The following THSD7A variants were observed in gnomAD, a reference collection of about 807,000 sequenced individuals.
THSD7A encodes the protein thrombospondin type-1 domain-containing protein 7A.
Under a neutral mutation model 231.3 loss-of-function variants are expected in THSD7A, and 96 were observed. That is an observed-to-expected ratio of 0.41 (90% CI 0.35 to 0.49). The LOEUF (loss-of-function observed/expected upper bound fraction) is 0.49, where lower values mean the gene tolerates loss of function less well. Among genes scored for constraint, THSD7A ranks in the 20% least tolerant of loss-of-function variants. The pLI is 0.05. For missense variants in THSD7A, 2,290 were observed against 2,070.2 expected (o/e 1.11, Z -2.06); for synonymous variants, 940 against 743.3 (o/e 1.26, Z -4.30).
rs1402419832 is a variant in THSD7A, at chr7:11,732,556, TTA to T, written c.191-95597_191-95596del. ...AATTGTATTTTACACTGTGCCGGTA[TTA>T]TATAGTTTATGTATAAAACACAAAA... On this transcript the variant is annotated intron_variant, in intron 1 of 27. Coordinates refer to ENST00000423059, the MANE Select transcript of THSD7A (RefSeq NM_015204.3). Among the ~76,000 whole-genome samples, 3 of 151,992 alleles carry T rather than the reference TTA, an allele frequency of 2.0e-5. No homozygotes were observed. In the East Asian group the frequency reaches 5.8e-4, roughly 30 times the overall value.
At chr7:11,438,401 T>C (rs1222592657) in intron 13 of THSD7A, among the ~76,000 whole-genome samples, 1 of 152,018 alleles carries the variant, frequency 6.6e-6, no homozygotes, top group Non-Finnish European at 1.5e-5. Context: ...CAAACTGGTA[T>C]GAAAGCAAAT....
At chr7:11,519,246 C>A (rs1322026729) in intron 6 of THSD7A, among the ~76,000 whole-genome samples, 1 of 152,152 alleles carries the variant, frequency 6.6e-6, no homozygotes, top group Non-Finnish European at 1.5e-5. Context: ...CTGCCAGCAG[C>A]CCTGAACTGC....
intron 13 of THSD7A, among the ~76,000 whole-genome samples, chr7:11,441,431 T>G (rs895007688): frequency 6.6e-6 from 1 of 152,012 alleles, no homozygotes; most frequent in Non-Finnish European, 1.5e-5. Context: ...CCTCTAAGAT[T>G]GTTTAAAATA....
At chr7:11,811,150 T>C (rs917661367) in intron 1 of THSD7A, among the ~76,000 whole-genome samples, 3 of 152,204 alleles carry the variant, frequency 2.0e-5, no homozygotes, top group Non-Finnish European at 4.4e-5. Context: ...TTGTGTGTAA[T>C]GTCTCTTTTG....
intron 6 of THSD7A, among the ~76,000 whole-genome samples, chr7:11,487,945 C>G (rs2128306582): frequency 6.6e-6 from 1 of 152,046 alleles, no homozygotes; most frequent in Non-Finnish European, 1.5e-5. Context: ...TTTTTTAAAT[C>G]ATAGAAATGT....
At chr7:11,668,418 CA>C (rs1562459381) in intron 1 of THSD7A, among the ~76,000 whole-genome samples, 1 of 129,204 alleles carries the variant, frequency 7.7e-6, no homozygotes, top group Admixed American at 8.1e-5. Flanking sequence ...AACTCCATCT[CA>C]AAAAAAGAAA....
intron 1 of THSD7A, among the ~76,000 whole-genome samples, chr7:11,770,533 C>G (rs760834603): frequency 1.3e-5 from 2 of 152,118 alleles, no homozygotes; most frequent in African/African-American, 2.4e-5. Flanking sequence ...ATGTTATCAA[C>G]TGGAAACTGA....
intron 9 of THSD7A, among the ~76,000 whole-genome samples, chr7:11,463,507 T>C (rs1237434076): frequency 6.6e-6 from 1 of 152,166 alleles, no homozygotes; most frequent in Non-Finnish European, 1.5e-5. Flanking sequence ...AAATCTACTG[T>C]AATACACGAC....
chr7:11,613,044 T>G (rs952560779), intron 2 of THSD7A, among the ~76,000 whole-genome samples: 2 of 152,150 alleles, frequency 1.3e-5, no homozygotes, highest in African/African-American at 4.8e-5. Context: ...ATTATGTCAA[T>G]AAAATCTCAA....
intron 1 of THSD7A, among the ~76,000 whole-genome samples, chr7:11,695,040 A>G (rs534369213): frequency 6.6e-6 from 1 of 151,640 alleles, no homozygotes; most frequent in African/African-American, 2.4e-5. Flanking sequence ...ATTATTCTTC[A>G]TGTTTTACAA....
intron 1 of THSD7A, among the ~76,000 whole-genome samples, chr7:11,682,734 A>C (rs1305153404): frequency 6.6e-6 from 1 of 152,020 alleles, no homozygotes; most frequent in Non-Finnish European, 1.5e-5. Context: ...CCTGGTCTTA[A>C]ATTTGACACT....
rs554409628 is a variant in THSD7A, at chr7:11,430,555, C to T, written c.3065-1430G>A. On this transcript the variant is annotated intron_variant, in intron 13 of 27. Transcript: ENST00000423059. ...AGCTCACTGCAGCCTTGACCTCCTG[C>T]ACTCAAGAGATCCTCCTACCTCAGC... Among the ~76,000 whole-genome samples the T allele has an allele frequency of 7.9e-5, 12 of 152,176 alleles. No individual in the cohort carries two copies. In the East Asian group the frequency reaches 2.1e-3, roughly 27 times the overall value.
intron 1 of THSD7A, among the ~76,000 whole-genome samples, chr7:11,673,193 T>C (rs1191109349): frequency 2.0e-5 from 3 of 152,042 alleles, no homozygotes; most frequent in African/African-American, 7.2e-5. Context: ...GCACCCAGAT[T>C]GGACGTAAGG....
intron 16 of THSD7A, among the ~76,000 whole-genome samples, chr7:11,424,405 G>T (rs144973900): frequency 6.6e-6 from 1 of 152,226 alleles, no homozygotes; most frequent in Non-Finnish European, 1.5e-5. Context: ...TGGCCTTGAA[G>T]CAAAAAAGTT....
intron 23 of THSD7A, among the ~76,000 whole-genome samples, chr7:11,397,690 G>T (rs1211467906): frequency 2.0e-5 from 3 of 152,014 alleles, no homozygotes; most frequent in Admixed American, 1.3e-4. Context: ...AATCTACAAA[G>T]AACTTAAACA....
chr7:11,771,838 C>G (rs897782610), intron 1 of THSD7A, among the ~76,000 whole-genome samples: 1 of 152,136 alleles, frequency 6.6e-6, no homozygotes, highest in Non-Finnish European at 1.5e-5. Flanking sequence ...CATCTCCTTG[C>G]TGCTGTTCTT....
At chr7:11,421,656 A>C (rs948828690) in intron 16 of THSD7A, among the ~76,000 whole-genome samples, 5 of 152,198 alleles carry the variant, frequency 3.3e-5, no homozygotes, top group African/African-American at 1.2e-4. Context: ...AACAGACTAT[A>C]TTTATTAATG....
In THSD7A at chr7:11,538,510, C is replaced by A. The variant is rs151015453; in HGVS notation, c.1822+2909G>T. 7.7e-3 allele frequency among the ~76,000 whole-genome samples: 1,176 copies of A among 152,260 alleles called. 14 individuals are homozygous for A. Among genetic ancestry groups the A allele is most frequent in the African/African-American group, 0.027 (1,125 of 41,540 alleles). ...AAATACACTTGCTTTGCCAGATTTA[C>A]ACCTTTAAATGAAACATATTCAAAT... On this transcript the variant is annotated intron_variant, in intron 6 of 27. Coordinates refer to ENST00000423059, the MANE Select transcript of THSD7A (RefSeq NM_015204.3).
In THSD7A at chr7:11,389,421, C is replaced by CTTTTTTTTTTTTTTTTTTTTTTTT. The variant is rs57755425; in HGVS notation, c.4412-6829_4412-6806dup. On this transcript the variant is annotated intron_variant, in intron 23 of 27. Transcript: ENST00000423059. ...TCAGAGACTAGAATTGCAACTCCTG[C>CTTTTTTTTTTTTTTTTTTTTTTTT]TTTTTTTTTTTTTTTTTTTTTTTTT... 5.3e-5 allele frequency among the ~76,000 whole-genome samples: 2 copies of CTTTTTTTTTTTTTTTTTTTTTTTT among 37,588 alleles called. 1 individual carries two copies. Among genetic ancestry groups the CTTTTTTTTTTTTTTTTTTTTTTTT allele is most frequent in the African/African-American group, 1.9e-4 (2 of 10,418 alleles). The allele number at this position is 37,588 out of a possible 152,430, so 24.7% of individuals were successfully genotyped here. A position where few individuals can be genotyped will look rare whatever the true frequency, so the allele number is the denominator to read the frequency against.
Sources: gnomAD v4.1 joint callset for allele counts (sites outside exome capture counted in the v4.1 genomes callset) on GRCh38, gnomAD v4.1.1 for gene constraint, MANE v1.5 for transcripts, NCBI Gene and HGNC (gene_info 2026-07-23, HGNC 2026-07-21) for gene names.